Variants in SRPK2 observed in about 807,000 individuals in gnomAD.
SRPK2 encodes SRSF protein kinase 2, also known as SFRS protein kinase 2.
SRPK2 carries 21 observed loss-of-function variants against 90.8 expected under a neutral mutation model. The observed-to-expected ratio is 0.23, with a 90% CI of 0.16 to 0.33. The LOEUF is 0.33. Among genes scored for constraint, SRPK2 ranks in the 10% least tolerant of loss-of-function variants. SRPK2 has a pLI of 1.00. For synonymous variants in SRPK2, 288 were observed against 311.1 expected, an observed-to-expected ratio of 0.93 and a Z score of 0.78; for missense variants, 620 against 869.0, an observed-to-expected ratio of 0.71 and a Z score of 3.60.
At chr7:105,330,703 C>T (rs1814205121) in intron 2 of SRPK2, among the ~76,000 whole-genome samples, 1 of 152,160 alleles carries the variant, frequency 6.6e-6, no homozygotes, top group Admixed American at 6.5e-5. Context: ...AAGAGGGTCA[C>T]GTGCAGTGGC....
intron 2 of SRPK2, among the ~76,000 whole-genome samples, chr7:105,215,797 CAGAAGGT>C (rs1252066565): frequency 6.6e-6 from 1 of 152,020 alleles, no homozygotes; most frequent in Non-Finnish European, 1.5e-5. Flanking sequence ...TCTATAGAAA[CAGAAGGT>C]AGATCAGTAA....
chr7:105,149,592 T>C (rs535024247), intron 7 of SRPK2, among the ~76,000 whole-genome samples: 19 of 152,332 alleles, frequency 1.2e-4, no homozygotes, highest in African/African-American at 4.6e-4. Context: ...CTCTGTGTCT[T>C]ATTTCTTTTC....
At chr7:105,271,620 G>A (rs112500579) in intron 2 of SRPK2, among the ~76,000 whole-genome samples, 1 of 152,072 alleles carries the variant, frequency 6.6e-6, no homozygotes, top group Non-Finnish European at 1.5e-5. Flanking sequence ...TGCCATAATC[G>A]GGGGTACCTG....
chr7:105,158,657 G>C (rs145643291), intron 7 of SRPK2, among the ~76,000 whole-genome samples: 353 of 152,314 alleles, frequency 2.3e-3, no homozygotes, highest in African/African-American at 5.1e-3. Context: ...AAATGATGGA[G>C]CCTGCGGGAA....
rs758760332 is a variant in SRPK2 at position 105,142,003 on chromosome 7, C to T, written c.1543+5G>A. On this transcript the variant is annotated splice_donor_5th_base_variant and intron_variant, in intron 11 of 15. Coordinates refer to ENST00000393651, the MANE Select transcript of SRPK2 (RefSeq NM_182692.3). ...GGCAGACAGTTGATGGGAAGAAACA[C>T]TTACCTTTTGGCAAATCCCCAGTAC... 3 of 1,599,652 alleles carry T rather than the reference C, an allele frequency of 1.9e-6. No homozygotes were observed. The South Asian group carries it at 3.4e-5, about 18-fold the overall frequency.
chr7:105,328,500 T>C (rs1191571166), intron 2 of SRPK2, among the ~76,000 whole-genome samples: 1 of 141,234 alleles, frequency 7.1e-6, no homozygotes, highest in Non-Finnish European at 1.5e-5. Flanking sequence ...GAGGTAGAGG[T>C]TGCAGTGAGC....
chr7:105,205,123 T>G (rs1796030853), intron 2 of SRPK2, among the ~76,000 whole-genome samples: 1 of 152,112 alleles, frequency 6.6e-6, no homozygotes, highest in Non-Finnish European at 1.5e-5. Context: ...ACTGGGCCTC[T>G]AAATCCTTGC....
intron 2 of SRPK2, among the ~76,000 whole-genome samples, chr7:105,316,086 G>A (rs917597708): frequency 1.2e-3 from 173 of 147,696 alleles, no homozygotes; most frequent in African/African-American, 4.2e-3. Flanking sequence ...GTGCAATGGC[G>A]CGATCTCGGC....
At chr7:105,390,619 T>G (rs565475185), upstream of SRPK2, among the ~76,000 whole-genome samples, 5,078 of 146,446 alleles carry the variant, frequency 0.035, 119 homozygotes, top group Middle Eastern at 0.088. Context: ...TTTTTTTTTT[T>G]TTTTTTTTTT....
chr7:105,223,917 A>G (rs1284040559), intron 2 of SRPK2, among the ~76,000 whole-genome samples: 1 of 152,228 alleles, frequency 6.6e-6, no homozygotes, highest in East Asian at 1.9e-4. Flanking sequence ...AAAATAACAT[A>G]TAAAAAATAT....
intron 9 of SRPK2, 61 bp downstream of exon 9, chr7:105,145,222 C>T (rs1804411020): frequency 7.5e-7 from 1 of 1,337,880 alleles, no homozygotes; most frequent in Non-Finnish European, 1.0e-6. Context: ...ATTTGAACAA[C>T]TCAATAATAA....
At chr7:105,149,572 T>C (rs1016584967) in intron 7 of SRPK2, among the ~76,000 whole-genome samples, 2 of 152,242 alleles carry the variant, frequency 1.3e-5, no homozygotes, top group Non-Finnish European at 2.9e-5. Context: ...GTTGTTTCTC[T>C]ATACTTTGTC....
At chr7:105,297,196 A>G (rs1809937034) in intron 2 of SRPK2, among the ~76,000 whole-genome samples, 1 of 152,172 alleles carries the variant, frequency 6.6e-6, no homozygotes, top group African/African-American at 2.4e-5. Context: ...AAGAAACTGC[A>G]TTTTTTGCGA....
At chr7:105,387,871 GC>G (rs1821807996) in intron 2 of SRPK2, among the ~76,000 whole-genome samples, 1 of 152,212 alleles carries the variant, frequency 6.6e-6, no homozygotes, top group South Asian at 2.1e-4. Context: ...TTGGGCAGCG[GC>G]CCCCCTGCTC....
intron 2 of SRPK2, among the ~76,000 whole-genome samples, chr7:105,367,265 GTTTTGTTTTGT>G (rs894793216): frequency 2.9e-4 from 44 of 151,488 alleles, no homozygotes; most frequent in African/African-American, 1.0e-3. Context: ...ACAGGGCTTT[GTTTTGTTTTGT>G]TTTTGAGACA....
chr7:105,302,991 A>G (rs1415960663), intron 2 of SRPK2, among the ~76,000 whole-genome samples: 1 of 151,838 alleles, frequency 6.6e-6, no homozygotes, highest in Non-Finnish European at 1.5e-5. Flanking sequence ...GGAGAATGGC[A>G]TGAACCCAGG....
At chr7:105,321,056 C>T (rs546676763) in intron 2 of SRPK2, among the ~76,000 whole-genome samples, 3 of 152,290 alleles carry the variant, frequency 2.0e-5, no homozygotes, top group Non-Finnish European at 4.4e-5. Flanking sequence ...TCATCTCAAA[C>T]TCCTGACCCC....
chr7:105,255,448 G>T (rs1175481792), intron 2 of SRPK2, among the ~76,000 whole-genome samples: 1 of 152,064 alleles, frequency 6.6e-6, no homozygotes, highest in Non-Finnish European at 1.5e-5. Context: ...CCTGGGGGGA[G>T]GGTAGGTGAA....
intron 14 of SRPK2, 120 bp from the exon 15 acceptor site, chr7:105,126,460 C>T: frequency 1.4e-6 from 1 of 738,946 alleles, no homozygotes; most frequent in South Asian, 1.7e-5. Flanking sequence ...TCAACAGTGT[C>T]TGCAGCACAT....
Sources: allele counts gnomAD v4.1 joint callset (sites outside exome capture counted in the v4.1 genomes callset), GRCh38; gene constraint gnomAD v4.1.1; transcripts MANE v1.5; gene names NCBI Gene and HGNC (gene_info 2026-07-23, HGNC 2026-07-21).